Variants in CLEC16A observed in about 807,000 individuals in gnomAD.
The protein encoded by CLEC16A is C-type lectin domain containing 16A.
CLEC16A carries 51 observed loss-of-function variants against 109.5 expected under a neutral mutation model. That is an observed-to-expected ratio of 0.47 (90% CI 0.37 to 0.59). The LOEUF (loss-of-function observed/expected upper bound fraction) is 0.59, where lower values mean the gene tolerates loss of function less well. Ranked by LOEUF, CLEC16A falls within the 20% of genes least tolerant of loss-of-function variation. CLEC16A has a pLI of 0.00. For missense variants in CLEC16A, 1,339 were observed against 1,394.0 expected (o/e 0.96, Z 0.63); for synonymous variants, 673 against 564.2 (o/e 1.19, Z -2.73).
chr16:11,065,362 A>C (rs374673611), intron 19 of CLEC16A, among the ~76,000 whole-genome samples: 3 of 152,224 alleles, frequency 2.0e-5, no homozygotes, highest in Non-Finnish European at 4.4e-5. Flanking sequence ...TAACATTCAC[A>C]TAGTTGCAGC....
At chr16:11,064,132 C>G (rs2152912040) in intron 19 of CLEC16A, among the ~76,000 whole-genome samples, 1 of 152,310 alleles carries the variant, frequency 6.6e-6, no homozygotes, top group East Asian at 1.9e-4. Flanking sequence ...GCCCTTTCAT[C>G]TGTCTATTTA....
At chr16:11,029,756 C>T (rs1368227884) in intron 13 of CLEC16A, among the ~76,000 whole-genome samples, 1 of 152,178 alleles carries the variant, frequency 6.6e-6, no homozygotes, top group African/African-American at 2.4e-5. Context: ...AATTGATATG[C>T]AATAAACTGA....
intron 19 of CLEC16A, among the ~76,000 whole-genome samples, chr16:11,090,749 A>AT (rs1448064805): frequency 1.4e-5 from 2 of 147,308 alleles, no homozygotes; most frequent in African/African-American, 5.0e-5. Flanking sequence ...GGTTCAAGTG[A>AT]TTCTCCTGCC....
At position 11,167,379 on chromosome 16, in the gene CLEC16A, T is replaced by A. The variant is rs114050229; in HGVS notation, c.2806+827T>A. Among the ~76,000 whole-genome samples, 1,005 of 152,228 alleles carry A rather than the reference T, an allele frequency of 6.6e-3. 19 individuals carry two copies. Among genetic ancestry groups the A allele is most frequent in the African/African-American group, 0.023 (958 of 41,532 alleles). On this transcript the variant is annotated intron_variant, in intron 23 of 23. Transcript: ENST00000409790. ...GGAGATCCTTAGTATCCTTCACTGT[T>A]CCTGCAAGTTCCCCTCCAGAGCCCT...
chr16:11,175,684 G>A (rs1369865533), intron 23 of CLEC16A, among the ~76,000 whole-genome samples: 2 of 152,184 alleles, frequency 1.3e-5, no homozygotes, highest in Non-Finnish European at 2.9e-5. Flanking sequence ...ACTTTTAGCG[G>A]GGAAACCAAC....
At chr16:11,061,556 A>T (rs1003078291) in intron 19 of CLEC16A, among the ~76,000 whole-genome samples, 2 of 152,230 alleles carry the variant, frequency 1.3e-5, no homozygotes, top group African/African-American at 4.8e-5. Flanking sequence ...CATGAGGCTC[A>T]GCTTTAGAGA....
At chr16:11,023,272 T>G (rs762060308) in intron 12 of CLEC16A, among the ~76,000 whole-genome samples, 13 of 152,202 alleles carry the variant, frequency 8.5e-5, no homozygotes, top group Non-Finnish European at 1.8e-4. Context: ...CTTAATGGTT[T>G]TATGATACTT....
rs367999287 is a variant in CLEC16A at position 10,982,873 on chromosome 16, G to T, written c.958-5G>T. On this transcript the variant is annotated splice_polypyrimidine_tract_variant and splice_region_variant and intron_variant, in intron 9 of 23. Transcript: ENST00000409790. ...TGCAAATCCCGTTTCTTTTTTTTCC[G>T]CCAGGTCTTCTTAATTATACATCAT... The T allele has an allele frequency of 2.0e-6, 3 of 1,537,978 alleles. No individual in the cohort carries two copies. The highest frequency in any genetic ancestry group is 2.7e-6 in the Non-Finnish European group (3 of 1,113,312).
chr16:10,944,651 GGGC>G lies in CLEC16A; in HGVS notation c.-65_-63del. The G allele has an allele frequency of 6.8e-7, 1 of 1,461,700 alleles. No individual in the cohort carries two copies. The highest frequency in any genetic ancestry group is 9.4e-7 in the Non-Finnish European group (1 of 1,068,854). 90.5% of individuals were successfully genotyped at this position (1,461,700 alleles called of 1,614,324 possible). A position where few individuals can be genotyped will look rare whatever the true frequency, so the allele number is the denominator to read the frequency against. On this transcript the variant is annotated 5_prime_UTR_variant, in exon 1 of 24. Transcript: ENST00000409790. ...CATCCTCCGCTTGTGCTACCGCCGC[GGGC>G]GCTGGGCCGCTCTGCTGGTCCGGCA...
intron 13 of CLEC16A, among the ~76,000 whole-genome samples, chr16:11,035,098 G>C (rs1225508443): frequency 6.6e-6 from 1 of 152,202 alleles, no homozygotes; most frequent in Non-Finnish European, 1.5e-5. Flanking sequence ...CAAATTAAAT[G>C]CCATCCTAAG....
chr16:11,165,947 G>A (rs568801954), intron 22 of CLEC16A, among the ~76,000 whole-genome samples: 25 of 152,314 alleles, frequency 1.6e-4, no homozygotes, highest in East Asian at 5.8e-4. Flanking sequence ...ACTTCAGAGC[G>A]TGGGTCCCCC....
intron 13 of CLEC16A, among the ~76,000 whole-genome samples, chr16:11,031,933 C>G (rs2046762410): frequency 6.6e-6 from 1 of 152,204 alleles, no homozygotes; most frequent in Non-Finnish European, 1.5e-5. Context: ...GCATGTGGAG[C>G]ACCGGCCGTG....
intron 22 of CLEC16A, among the ~76,000 whole-genome samples, chr16:11,139,629 C>G (rs2053731249): frequency 6.6e-6 from 1 of 152,210 alleles, no homozygotes; most frequent in South Asian, 2.1e-4. Context: ...GTTTTACTGT[C>G]TCTGTCACTC....
At chr16:11,031,142 C>G (rs2046718613) in intron 13 of CLEC16A, among the ~76,000 whole-genome samples, 1 of 152,176 alleles carries the variant, frequency 6.6e-6, no homozygotes, top group African/African-American at 2.4e-5. Context: ...CCTGCAGTAC[C>G]CAGCCTACCG....
At chr16:10,948,844 G>C (rs902360561) in intron 1 of CLEC16A, among the ~76,000 whole-genome samples, 1 of 152,164 alleles carries the variant, frequency 6.6e-6, no homozygotes, top group Non-Finnish European at 1.5e-5. Context: ...CAGGCAGGCT[G>C]CAGGCTTACA....
chr16:11,057,740 A>G (rs562859721), intron 18 of CLEC16A, among the ~76,000 whole-genome samples: 1 of 152,336 alleles, frequency 6.6e-6, no homozygotes, highest in East Asian at 1.9e-4. Flanking sequence ...TAGCAAAGAA[A>G]AGCGCTCAAT....
intron 13 of CLEC16A, among the ~76,000 whole-genome samples, chr16:11,029,410 T>A (rs2046611423): frequency 6.6e-6 from 1 of 151,730 alleles, no homozygotes; most frequent in Admixed American, 6.6e-5. Context: ...TGCAGCTCTC[T>A]CTTCATTTAT....
Position 11,003,241 on chromosome 16 carries a change from C to T in CLEC16A, c.1239C>T (p.Asp413=), listed in dbSNP as rs751015915. 2.0e-5 allele frequency: 33 copies of T among 1,613,158 alleles called. No homozygotes were observed. Among genetic ancestry groups the T allele is most frequent in the Admixed American group, 6.7e-5 (4 of 60,006 alleles). The change falls in exon 11 of 24, where the codon GAC becomes GAT. Residue 413 remains aspartate, a synonymous_variant. Transcript: ENST00000409790. ...GGCCCACCGAGGATGCCCAAGAAGA[C>T]GCCGAGAAGGCTAAAGGTACAGAGG... ...EKGPTEDAQE[D]AEKAKGTEGG... is the part of the protein sequence containing the mutation.
At position 10,957,924 on chromosome 16, in the gene CLEC16A, A is replaced by T; in HGVS notation, c.209+14A>T. 6.2e-7 allele frequency: 1 copy of T among 1,611,790 alleles called. No individual in the cohort carries two copies. The highest frequency in any genetic ancestry group is 8.5e-7 in the Non-Finnish European group (1 of 1,178,416). Reference sequence around the variant, plus strand: ...CTCTGTATTTGAGTAAGGGTTTCTAATGATTGCTGTTCTTTGATTATTCTT... The same window carrying T: ...CTCTGTATTTGAGTAAGGGTTTCTATTGATTGCTGTTCTTTGATTATTCTT... On this transcript the variant is annotated intron_variant, in intron 2 of 23. Transcript: ENST00000409790.
Sources: gnomAD v4.1 joint callset for allele counts (sites outside exome capture counted in the v4.1 genomes callset) on GRCh38, gnomAD v4.1.1 for gene constraint, MANE v1.5 for transcripts, NCBI Gene and HGNC (gene_info 2026-07-23, HGNC 2026-07-21) for gene names.